Variants in CFAP52 observed in about 807,000 individuals in gnomAD.
CFAP52 encodes cilia and flagella associated protein 52.
A neutral mutation model predicts 70.5 loss-of-function variants in CFAP52; 57 were observed. That is an observed-to-expected ratio of 0.81 (90% CI 0.65 to 1.01). The LOEUF (loss-of-function observed/expected upper bound fraction) is 1.01, where lower values mean the gene tolerates loss of function less well. Ranked by LOEUF, CFAP52 falls within the 50% of genes least tolerant of loss-of-function variation. The probability of loss-of-function intolerance (pLI) is 0.00; values close to 1 mark genes in which losing one functional copy is unlikely to be tolerated. For synonymous variants in CFAP52, 267 were observed against 292.5 expected, an observed-to-expected ratio of 0.91 and a Z score of 0.89; for missense variants, 785 against 788.5, an observed-to-expected ratio of 1.00 and a Z score of 0.05.
Position 9,633,007 on chromosome 17 carries a change from G to C in CFAP52, c.1294G>C (p.Val432Leu). The C allele has an allele frequency of 6.2e-7, 1 of 1,614,064 alleles. No individual in the cohort carries two copies. Among genetic ancestry groups the C allele is most frequent in the Non-Finnish European group, 8.5e-7 (1 of 1,179,988 alleles). The change falls in exon 10 of 14, where the codon GTC becomes CTC. Residue 432 changes from valine (V) to leucine (L), a missense_variant. Physicochemically the swap from Val to Leu is conservative, Grantham distance 32. Transcript: ENST00000352665. ...CGCCACCACCAGTGACTGTAAAAGG[G>C]TCATCAGTGGCGGTGGGGAAGGGGA... ...AIATTSDCKR[V>L]ISGGGEGEVR...
intron 8 of CFAP52, among the ~76,000 whole-genome samples, chr17:9,621,954 T>A (rs1910053273): frequency 6.6e-6 from 1 of 151,242 alleles, no homozygotes; most frequent in Non-Finnish European, 1.5e-5. Flanking sequence ...TGTATACATA[T>A]GTAACTAACC....
In CFAP52 at chr17:9,594,231, G is replaced by C. The variant is rs1192761020; in HGVS notation, c.446G>C (p.Cys149Ser). Residue 149 changes from cysteine to serine, a missense_variant, in exon 4 of 14, where the codon TGT becomes TCT. Physicochemically the swap from Cys to Ser is moderately radical, Grantham distance 112. Coordinates refer to ENST00000352665, the MANE Select transcript of CFAP52 (RefSeq NM_145054.5). ...AGCATAGCCAAGAGAGATGCCATCTGTGGCAGCCCTGCAGCCGGCCTCAAT... is the reference window on the plus strand; with the variant it reads ...AGCATAGCCAAGAGAGATGCCATCTCTGGCAGCCCTGCAGCCGGCCTCAAT... ...VWSIAKRDAICGSPAAGLNVG... is the reference protein window; with the variant it reads ...VWSIAKRDAISGSPAAGLNVG... 1 of 1,613,692 alleles carries C rather than the reference G, an allele frequency of 6.2e-7. No homozygotes were observed. The highest frequency in any genetic ancestry group is 1.1e-5 in the South Asian group (1 of 91,064).
rs143445180 is a variant in CFAP52 at position 9,636,685 on chromosome 17, C to T, written c.1472+1129C>T. 1.6e-3 allele frequency among the ~76,000 whole-genome samples: 243 copies of T among 152,156 alleles called. 1 individual carries two copies. Among genetic ancestry groups the T allele is most frequent in the African/African-American group, 5.1e-3 (212 of 41,520 alleles). On this transcript the variant is annotated intron_variant, in intron 11 of 13. Transcript: ENST00000352665. ...GTGCAAAGATGGGAGGAAGGAGGCA[C>T]GCACGACAAAGAACATGAGATACGC...
At chr17:9,594,619 A>G (rs766780153) in intron 4 of CFAP52, 21 of 208,018 alleles carry the variant, frequency 1.0e-4, no homozygotes, top group Admixed American at 1.7e-4. Flanking sequence ...CAATTTGCAC[A>G]ATTGCACAGA....
At chr17:9,612,227 G>C (rs1909740361) in intron 7 of CFAP52, 82 bp from the exon 8 acceptor site, 5 of 1,511,094 alleles carry the variant, frequency 3.3e-6, no homozygotes, top group Non-Finnish European at 4.5e-6. Context: ...TGCCTGATTT[G>C]TATCCTCTGC....
intron 8 of CFAP52, among the ~76,000 whole-genome samples, chr17:9,627,139 ACAAAAGAAGGGTTTTGGGTTATCTG>A (rs1910267396): frequency 6.7e-6 from 1 of 149,552 alleles, no homozygotes; most frequent in African/African-American, 2.5e-5. Context: ...AGCTTGACAG[ACAAAAGAAGGGTTTTGGGTTATCTG>A]CAAACTTGAA....
chr17:9,580,435 C>T (rs1375690679), intron 1 of CFAP52, among the ~76,000 whole-genome samples: 3 of 151,956 alleles, frequency 2.0e-5, no homozygotes, highest in Admixed American at 1.3e-4. Context: ...CACCTGTAAT[C>T]CCAGCACTTT....
chr17:9,609,433 G>A (rs963425430), intron 7 of CFAP52, among the ~76,000 whole-genome samples: 2 of 152,178 alleles, frequency 1.3e-5, no homozygotes, highest in East Asian at 1.9e-4. Context: ...AGTGGCTCAC[G>A]CCTGCAATCC....
rs1356456586 is a variant in CFAP52, at chr17:9,635,309, T to G, written c.1321-96T>G. On this transcript the variant is annotated intron_variant, in intron 10 of 13. Coordinates refer to ENST00000352665, the MANE Select transcript of CFAP52 (RefSeq NM_145054.5). The stretch of plus-strand genomic sequence containing the variant: ...AGACAGGGAATTAAAAAAACACAAA[T>G]CAAGCATAGCAAAGGGGAAAAAGCT... The G allele has an allele frequency of 3.3e-6, 5 of 1,527,536 alleles. No individual in the cohort carries two copies. In the African/African-American group the frequency reaches 5.6e-5, roughly 17 times the overall value. 94.6% of individuals were successfully genotyped at this position (1,527,536 alleles called of 1,614,324 possible).
Position 9,643,061 on chromosome 17 carries a change from G to C in CFAP52, c.1726G>C (p.Glu576Gln), listed in dbSNP as rs1411118368. ...DHLVKVWDYN[E>Q]GEVTHVGVGH... Reference sequence around the variant, plus strand: ...TCTGGTCAAAGTTTGGGATTATAATGAGGGTGAAGTGACTCACGTTGGGGT... The same window carrying C: ...TCTGGTCAAAGTTTGGGATTATAATCAGGGTGAAGTGACTCACGTTGGGGT... Residue 576 changes from glutamate (E) to glutamine (Q), a missense_variant, in exon 14 of 14, where the codon GAG becomes CAG. By Grantham distance (29) the Glu-to-Gln change is conservative. Coordinates refer to ENST00000352665, the MANE Select transcript of CFAP52 (RefSeq NM_145054.5). The C allele has an allele frequency of 6.2e-7, 1 of 1,610,310 alleles. No homozygotes were observed. The highest frequency in any genetic ancestry group is 8.5e-7 in the Non-Finnish European group (1 of 1,178,510).
intron 7 of CFAP52, among the ~76,000 whole-genome samples, chr17:9,609,444 C>T (rs1335606315): frequency 6.6e-6 from 1 of 152,168 alleles, no homozygotes; most frequent in Non-Finnish European, 1.5e-5. Flanking sequence ...CCTGCAATCC[C>T]AGCTCTTTGG....
intron 8 of CFAP52, among the ~76,000 whole-genome samples, chr17:9,623,552 A>T (rs1302970518): frequency 2.0e-5 from 3 of 152,242 alleles, no homozygotes; most frequent in Non-Finnish European, 4.4e-5. Flanking sequence ...GAAAAAATTT[A>T]AAATGTCTTG....
chr17:9,593,572 C>G (rs924556919), intron 3 of CFAP52, among the ~76,000 whole-genome samples: 1 of 152,142 alleles, frequency 6.6e-6, no homozygotes, highest in Non-Finnish European at 1.5e-5. Flanking sequence ...TCTCCTGCCT[C>G]AGCCTCCTGA....
chr17:9,608,124 G>A lies in CFAP52; in HGVS notation c.759G>A (p.Val253=), dbSNP rs1438911332. The change falls in exon 7 of 14, where the codon GTG becomes GTA. Residue 253 remains valine, a synonymous_variant. Coordinates refer to ENST00000352665, the MANE Select transcript of CFAP52 (RefSeq NM_145054.5). ...AACACAGTTTTTCCCCCTAGGGAGT[G>A]TCAGCTATCAGGTGCCTGAAGATGG... ...GPAKDKFSLG[V]SAIRCLKMGG... is the part of the protein sequence containing the mutation. 1.2e-6 allele frequency: 2 copies of A among 1,611,710 alleles called. No homozygotes were observed. The highest frequency in any genetic ancestry group is 1.7e-4 in the Middle Eastern group (1 of 5,982).
In CFAP52 at chr17:9,638,706, A is replaced by G. The variant is rs771988198; in HGVS notation, c.1570A>G (p.Arg524Gly). 6.2e-7 allele frequency: 1 copy of G among 1,614,066 alleles called. No homozygotes were observed. The highest frequency in any genetic ancestry group is 1.1e-5 in the South Asian group (1 of 91,068). The part of the protein sequence containing the change: ...EFQIITSGTD[R>G]KIAYWEVFDG... ...CCAGATCATCACCAGCGGAACAGAC[A>G]GAAAGGTGAGTCCTCCCAGTGAGAG... Residue 524 changes from arginine to glycine, a missense_variant, in exon 12 of 14, where the codon AGA (arginine) becomes GGA (glycine). Physicochemically the swap from Arg to Gly is moderately radical, Grantham distance 125. Coordinates refer to ENST00000352665, the MANE Select transcript of CFAP52 (RefSeq NM_145054.5).
intron 8 of CFAP52, among the ~76,000 whole-genome samples, chr17:9,613,495 G>T (rs540103293): frequency 1.3e-5 from 2 of 150,326 alleles, no homozygotes; most frequent in South Asian, 2.1e-4. Context: ...TTTTGTTTTT[G>T]GGGGGTTTTT....
chr17:9,603,774 A>C lies in CFAP52; in HGVS notation c.753+3591A>C, dbSNP rs889457468. ...TGGGTGCAGCAAACCACTATGGCAC[A>C]TGTACACCTATGTAACAAACCCGCA... On this transcript the variant is annotated intron_variant, in intron 6 of 13. Transcript: ENST00000352665. Among the ~76,000 whole-genome samples, 3 of 152,242 alleles carry C rather than the reference A, an allele frequency of 2.0e-5. No individual in the cohort carries two copies. The East Asian group carries it at 5.8e-4, about 29-fold the overall frequency.
intron 1 of CFAP52, among the ~76,000 whole-genome samples, chr17:9,581,258 C>T (rs192457104): frequency 4.9e-4 from 75 of 152,278 alleles, no homozygotes; most frequent in African/African-American, 1.4e-3. Flanking sequence ...GCTGGTTGCA[C>T]AGCATTGTGA....
chr17:9,623,770 C>A (rs923752893), intron 8 of CFAP52, among the ~76,000 whole-genome samples: 1 of 152,132 alleles, frequency 6.6e-6, no homozygotes, highest in Non-Finnish European at 1.5e-5. Flanking sequence ...GATCATAGCA[C>A]ACTGCAGCCT....
Sources: gnomAD v4.1 joint callset for allele counts (sites outside exome capture counted in the v4.1 genomes callset) on GRCh38, gnomAD v4.1.1 for gene constraint, MANE v1.5 for transcripts, NCBI Gene and HGNC (gene_info 2026-07-23, HGNC 2026-07-21) for gene names.